Variants in AKIRIN2 observed in about 807,000 individuals in gnomAD.
The protein encoded by AKIRIN2 is akirin 2, also known as akirin-2.
In AKIRIN2, 6 loss-of-function variants were observed where a neutral mutation model predicts 29.3. That is an observed-to-expected ratio of 0.20 (90% CI 0.11 to 0.40). The LOEUF (loss-of-function observed/expected upper bound fraction) is 0.40, where lower values mean the gene tolerates loss of function less well. Among genes scored for constraint, AKIRIN2 ranks in the 10% least tolerant of loss-of-function variants. The pLI is 1.00. For synonymous variants in AKIRIN2, 128 were observed against 117.5 expected, an observed-to-expected ratio of 1.09 and a Z score of -0.58; for missense variants, 210 against 276.1, an observed-to-expected ratio of 0.76 and a Z score of 1.70.
rs543094770 is a variant in AKIRIN2 at position 87,688,451 on chromosome 6, TAA to T, written c.236-6690_236-6689del. On this transcript the variant is annotated intron_variant, in intron 1 of 4. Transcript: ENST00000257787. ...TGGCAAGACCGTGTCTTTAAAAAAA[TAA>T]AAAAAAAAAATGCCAGGCACAGTGG... Among the ~76,000 whole-genome samples the T allele has an allele frequency of 2.9e-5, 4 of 135,836 alleles. No individual in the cohort carries two copies. The South Asian group carries it at 9.6e-4, about 33-fold the overall frequency. The allele number at this position is 135,836 out of a possible 152,430, so 89.1% of individuals were successfully genotyped here.
At chr6:87,687,991 G>C (rs971599281) in intron 1 of AKIRIN2, among the ~76,000 whole-genome samples, 1 of 152,152 alleles carries the variant, frequency 6.6e-6, no homozygotes, top group Non-Finnish European at 1.5e-5. Flanking sequence ...AAATTAGCCA[G>C]GTGCGGTGGC....
At chr6:87,678,394 C>T (rs906847897) in intron 2 of AKIRIN2, among the ~76,000 whole-genome samples, 11 of 151,420 alleles carry the variant, frequency 7.3e-5, no homozygotes, top group East Asian at 3.9e-4. Context: ...CCCAGCTACT[C>T]GGGAGGCTGA....
chr6:87,692,775 A>G (rs1208666233), intron 1 of AKIRIN2, among the ~76,000 whole-genome samples: 9 of 152,240 alleles, frequency 5.9e-5, no homozygotes, highest in Admixed American at 1.3e-4. Context: ...GTGCCACTGC[A>G]CTCCAGCCTG....
chr6:87,675,431 A>G lies in AKIRIN2; in HGVS notation c.*166T>C. The G allele has an allele frequency of 1.1e-6, 1 of 885,574 alleles. No homozygotes were observed. Among genetic ancestry groups the G allele is most frequent in the Non-Finnish European group, 1.8e-6 (1 of 559,682 alleles). 54.9% of individuals were successfully genotyped at this position (885,574 alleles called of 1,614,324 possible). On this transcript the variant is annotated 3_prime_UTR_variant, in exon 5 of 5. Transcript: ENST00000257787. The stretch of plus-strand genomic sequence containing the variant: ...ATCCAGGTGGTACTGACATCAGGGA[A>G]ATTTCCAAAACCAGTTGCTGCTGCC...
chr6:87,688,230 C>T (rs958746915), intron 1 of AKIRIN2, among the ~76,000 whole-genome samples: 1 of 152,102 alleles, frequency 6.6e-6, no homozygotes, highest in Non-Finnish European at 1.5e-5. Context: ...CTCCTGGGTT[C>T]AAGCGATTCT....
chr6:87,680,968 G>T (rs1191094443), intron 2 of AKIRIN2, among the ~76,000 whole-genome samples: 1 of 151,886 alleles, frequency 6.6e-6, no homozygotes, highest in Non-Finnish European at 1.5e-5. Context: ...CTTCTAAGTT[G>T]AATTATCTAT....
intron 1 of AKIRIN2, 78 bp downstream of exon 1, chr6:87,701,372 A>T: frequency 1.4e-6 from 2 of 1,420,640 alleles, no homozygotes; most frequent in Admixed American, 2.8e-5. Context: ...CCCCCACCCC[A>T]GGGGCCGCAT....
At chr6:87,682,469 T>C (rs546317034) in intron 1 of AKIRIN2, among the ~76,000 whole-genome samples, 1 of 152,172 alleles carries the variant, frequency 6.6e-6, no homozygotes, top group African/African-American at 2.4e-5. Context: ...ATCACACAAA[T>C]GAGTAAAATT....
intron 1 of AKIRIN2, among the ~76,000 whole-genome samples, chr6:87,694,937 A>C (rs1328569536): frequency 6.6e-6 from 1 of 152,208 alleles, no homozygotes; most frequent in Non-Finnish European, 1.5e-5. Context: ...ACTAACATCC[A>C]CTAGAATTTT....
Position 87,689,137 on chromosome 6 carries a change from C to T in AKIRIN2, c.236-7374G>A, listed in dbSNP as rs1267160043. 3.3e-5 allele frequency among the ~76,000 whole-genome samples: 5 copies of T among 152,110 alleles called. No homozygotes were observed. In the East Asian group the frequency reaches 9.6e-4, roughly 29 times the overall value. The stretch of plus-strand genomic sequence containing the variant: ...GAGAAGGCAGACTCTTTGAGGACTC[C>T]AGTACACCACGATCAAGCTGAAGAA... On this transcript the variant is annotated intron_variant, in intron 1 of 4. Coordinates refer to ENST00000257787, the MANE Select transcript of AKIRIN2 (RefSeq NM_018064.4).
chr6:87,702,148 A>G lies in AKIRIN2; in HGVS notation c.-464T>C. 2.5e-6 allele frequency: 1 copy of G among 398,802 alleles called. No homozygotes were observed. The highest frequency in any genetic ancestry group is 4.4e-6 in the Non-Finnish European group (1 of 226,080). The allele number at this position is 398,802 out of a possible 1,614,324, so 24.7% of individuals were successfully genotyped here. A position where few individuals can be genotyped will look rare whatever the true frequency, so the allele number is the denominator to read the frequency against. ...TACGGTCAGTAGCTTGCGAGCGGCG[A>G]TCGATGCAGAGAGATTGCGAGGTAG... On this transcript the variant is annotated 5_prime_UTR_variant, in exon 1 of 5. Transcript: ENST00000257787.
intron 1 of AKIRIN2, among the ~76,000 whole-genome samples, chr6:87,693,575 A>C (rs936123717): frequency 6.6e-6 from 1 of 152,054 alleles, no homozygotes; most frequent in Admixed American, 6.5e-5. Flanking sequence ...TAAAAATACA[A>C]TTAGCCAGGT....
At position 87,681,612 on chromosome 6, in the gene AKIRIN2, G is replaced by A; in HGVS notation, c.379+8C>T. On this transcript the variant is annotated splice_region_variant and intron_variant, in intron 2 of 4. Coordinates refer to ENST00000257787, the MANE Select transcript of AKIRIN2 (RefSeq NM_018064.4). ...ATAAACTTTGTAAATGACAAGAAAT[G>A]TTATTACCTGGTGAAGCTGGTCCAC... 1.3e-6 allele frequency: 2 copies of A among 1,597,952 alleles called. No homozygotes were observed. The highest frequency in any genetic ancestry group is 1.7e-6 in the Non-Finnish European group (2 of 1,175,930).
intron 2 of AKIRIN2, 35 bp downstream of exon 2, chr6:87,681,582 AAAT>A (rs1259900436): frequency 3.2e-6 from 5 of 1,576,784 alleles, no homozygotes; most frequent in Non-Finnish European, 4.3e-6. Context: ...TTCCCACTCT[AAAT>A]AATAAACTTT....
intron 1 of AKIRIN2, among the ~76,000 whole-genome samples, chr6:87,700,267 C>CAAAA (rs10659226): frequency 4.9e-5 from 7 of 142,000 alleles, no homozygotes; most frequent in Non-Finnish European, 9.1e-5. Flanking sequence ...TTAAATGTGA[C>CAAAA]AAAAAAAAAA....
In AKIRIN2 at chr6:87,702,035, C is replaced by T. The variant is rs558040005; in HGVS notation, c.-351G>A. 6.7e-5 allele frequency: 27 copies of T among 403,514 alleles called. No homozygotes were observed. In the East Asian group the frequency reaches 9.6e-4, roughly 14 times the overall value. The allele number at this position is 403,514 out of a possible 1,614,324, so 25.0% of individuals were successfully genotyped here. A position where few individuals can be genotyped will look rare whatever the true frequency, so the allele number is the denominator to read the frequency against. On this transcript the variant is annotated 5_prime_UTR_variant, in exon 1 of 5. Coordinates refer to ENST00000257787, the MANE Select transcript of AKIRIN2 (RefSeq NM_018064.4). ...CTCGAGCTTTGCGCCGCGCCTGAGG[C>T]GCTTCTGTGCTGAGACTAGATCCTT...
intron 1 of AKIRIN2, among the ~76,000 whole-genome samples, chr6:87,700,333 GTTT>G (rs1004114842): frequency 2.0e-5 from 3 of 151,430 alleles, no homozygotes; most frequent in Non-Finnish European, 4.4e-5. Context: ...ATATACTTCG[GTTT>G]TTTAAGCTAC....
chr6:87,697,741 T>A (rs923088399), intron 1 of AKIRIN2, among the ~76,000 whole-genome samples: 3 of 152,212 alleles, frequency 2.0e-5, no homozygotes, highest in Non-Finnish European at 4.4e-5. Context: ...ATTCACAAGC[T>A]GCAGTTTCCA....
At chr6:87,689,863 T>C (rs1453266916) in intron 1 of AKIRIN2, among the ~76,000 whole-genome samples, 1 of 152,232 alleles carries the variant, frequency 6.6e-6, no homozygotes, top group African/African-American at 2.4e-5. Flanking sequence ...TTACTTTAAA[T>C]CATTTACACA....
Sources: gnomAD v4.1 joint callset for allele counts (sites outside exome capture counted in the v4.1 genomes callset) on GRCh38, gnomAD v4.1.1 for gene constraint, MANE v1.5 for transcripts, NCBI Gene and HGNC (gene_info 2026-07-23, HGNC 2026-07-21) for gene names.